The following KHDRBS2 variants were observed in gnomAD, a reference collection of about 807,000 sequenced individuals.
KHDRBS2 encodes the protein KH domain-containing, RNA-binding, signal transduction-associated protein 2.
In KHDRBS2, 26 loss-of-function variants were observed where a neutral mutation model predicts 44.3. The ratio of observed to expected loss-of-function variants is 0.59; its 90% confidence interval spans 0.43 to 0.81. The LOEUF is 0.81. Ranked by LOEUF, KHDRBS2 falls within the 40% of genes least tolerant of loss-of-function variation. The pLI is 0.00. For synonymous variants in KHDRBS2, 194 were observed against 151.1 expected, an observed-to-expected ratio of 1.28 and a Z score of -2.08; for missense variants, 476 against 433.1, an observed-to-expected ratio of 1.10 and a Z score of -0.88.
chr6:61,544,297 A>G, the KHDRBS2 span, among the ~76,000 whole-genome samples: 2 of 152,120 alleles, frequency 1.3e-5, no homozygotes, highest in African/African-American at 4.8e-5. Flanking sequence ...CAAATTAACT[A>G]GTAGCTTCAA....
intron 4 of KHDRBS2, among the ~76,000 whole-genome samples, chr6:61,943,086 GA>G (rs1812480050): frequency 6.7e-6 from 1 of 148,928 alleles, no homozygotes; most frequent in Non-Finnish European, 1.5e-5. Flanking sequence ...AAGAAAAAAG[GA>G]AAGAAAGAAA....
At position 61,744,213 on chromosome 6, in the gene KHDRBS2, A is replaced by G. The variant is rs544661722; in HGVS notation, c.811-11449T>C. ...AGAAGACATAACTCTTGGGTCAAAA[A>G]CAAGGACTCTATTACACACCATAAA... On this transcript the variant is annotated intron_variant, in intron 6 of 8. Coordinates refer to ENST00000281156, the MANE Select transcript of KHDRBS2 (RefSeq NM_152688.4). Among the ~76,000 whole-genome samples the G allele has an allele frequency of 3.9e-5, 6 of 152,238 alleles. No homozygotes were observed. The South Asian group carries it at 1.2e-3, about 32-fold the overall frequency.
At chr6:61,702,266 T>G (rs1278153889) in intron 7 of KHDRBS2, among the ~76,000 whole-genome samples, 1 of 151,960 alleles carries the variant, frequency 6.6e-6, no homozygotes, top group African/African-American at 2.4e-5. Flanking sequence ...TTATCCTCTA[T>G]TTCCTTTCAG....
chr6:62,174,473 G>A (rs1304828029), intron 2 of KHDRBS2, among the ~76,000 whole-genome samples: 5 of 151,494 alleles, frequency 3.3e-5, no homozygotes, highest in South Asian at 2.1e-4. Context: ...ATTATTAAAC[G>A]TAAAGCACCA....
chr6:61,771,911 C>T (rs1229274978), intron 6 of KHDRBS2, among the ~76,000 whole-genome samples: 2 of 152,212 alleles, frequency 1.3e-5, no homozygotes, highest in East Asian at 1.9e-4. Context: ...ACCACACCTA[C>T]TCCAAAATTG....
intron 1 of KHDRBS2, among the ~76,000 whole-genome samples, chr6:62,249,632 C>T (rs1836190596): frequency 6.6e-6 from 1 of 151,972 alleles, no homozygotes; most frequent in Non-Finnish European, 1.5e-5. Flanking sequence ...TCACATTTAC[C>T]TCCTATAGTT....
At chr6:61,640,107 A>T in the KHDRBS2 span, among the ~76,000 whole-genome samples, 1 of 152,108 alleles carries the variant, frequency 6.6e-6, no homozygotes, top group Non-Finnish European at 1.5e-5. Flanking sequence ...AATAATTATC[A>T]GTTAGAGATG....
chr6:61,575,109 A>G, the KHDRBS2 span, among the ~76,000 whole-genome samples: 1 of 152,242 alleles, frequency 6.6e-6, no homozygotes, highest in African/African-American at 2.4e-5. Context: ...AAAAATAAAT[A>G]GATGGCACCT....
intron 2 of KHDRBS2, among the ~76,000 whole-genome samples, chr6:62,059,306 C>T (rs905124038): frequency 8.1e-6 from 1 of 122,866 alleles, no homozygotes; most frequent in Non-Finnish European, 1.6e-5. Context: ...GAAACAAGTT[C>T]CAAAAAAGAA....
intron 1 of KHDRBS2, among the ~76,000 whole-genome samples, chr6:62,240,480 G>C (rs899043904): frequency 6.6e-6 from 1 of 151,338 alleles, no homozygotes; most frequent in African/African-American, 2.4e-5. Context: ...CAGGCTAGTT[G>C]AGCTGAAAGA....
intron 5 of KHDRBS2, among the ~76,000 whole-genome samples, chr6:61,897,831 G>A (rs1422938498): frequency 6.6e-6 from 1 of 151,758 alleles, no homozygotes; most frequent in East Asian, 1.9e-4. Context: ...AACTCTATTA[G>A]TTCTATGTAT....
intron 6 of KHDRBS2, among the ~76,000 whole-genome samples, chr6:61,884,852 C>A (rs774841119): frequency 6.6e-6 from 1 of 152,046 alleles, no homozygotes; most frequent in Non-Finnish European, 1.5e-5. Flanking sequence ...CTCTGTCCCC[C>A]CATAGAGATG....
At chr6:62,151,242 C>T (rs1019887477) in intron 2 of KHDRBS2, among the ~76,000 whole-genome samples, 3 of 152,042 alleles carry the variant, frequency 2.0e-5, no homozygotes, top group Admixed American at 6.6e-5. Context: ...TAAAACTTGC[C>T]CCTGATTAAG....
At chr6:61,716,238 C>A (rs1771404402) in intron 7 of KHDRBS2, among the ~76,000 whole-genome samples, 1 of 151,930 alleles carries the variant, frequency 6.6e-6, no homozygotes, top group Non-Finnish European at 1.5e-5. Flanking sequence ...AATTAAGGGA[C>A]AAGCTGACAG....
At chr6:61,784,491 C>T (rs1033459032) in intron 6 of KHDRBS2, among the ~76,000 whole-genome samples, 8 of 151,908 alleles carry the variant, frequency 5.3e-5, no homozygotes, top group African/African-American at 1.2e-4. Context: ...GAATTTTTCT[C>T]ATTGCATACC....
chr6:62,241,735 G>GTTATTA (rs1370239671), intron 1 of KHDRBS2, among the ~76,000 whole-genome samples: 1,967 of 152,224 alleles, frequency 0.013, 34 homozygotes, highest in African/African-American at 0.045. Context: ...TTGGCATGAT[G>GTTATTA]CCTGGGACAT....
At chr6:62,045,343 G>A (rs555104172) in intron 3 of KHDRBS2, among the ~76,000 whole-genome samples, 1 of 152,000 alleles carries the variant, frequency 6.6e-6, no homozygotes, top group African/African-American at 2.4e-5. Flanking sequence ...CTCCCTCAGG[G>A]CCGTCACACT....
intron 6 of KHDRBS2, among the ~76,000 whole-genome samples, chr6:61,771,393 A>G (rs932281218): frequency 6.6e-6 from 1 of 152,202 alleles, no homozygotes; most frequent in African/African-American, 2.4e-5. Context: ...CAGACTGGCA[A>G]ATTGGATAAA....
intron 6 of KHDRBS2, among the ~76,000 whole-genome samples, chr6:61,879,932 A>G (rs960056335): frequency 1.1e-4 from 17 of 151,870 alleles, no homozygotes; most frequent in Admixed American, 5.3e-4. Flanking sequence ...ACAGGAAGAG[A>G]TTGATGTTTT....
Sources: allele counts gnomAD v4.1 joint callset (sites outside exome capture counted in the v4.1 genomes callset), GRCh38; gene constraint gnomAD v4.1.1; transcripts MANE v1.5; gene names NCBI Gene and HGNC (gene_info 2026-07-23, HGNC 2026-07-21).